Variants in VAV1 observed in about 807,000 individuals in gnomAD.
VAV1 encodes the protein proto-oncogene vav.
Under a neutral mutation model 128.1 loss-of-function variants are expected in VAV1, and 33 were observed. The observed-to-expected ratio is 0.26, with a 90% CI of 0.20 to 0.34. The LOEUF (loss-of-function observed/expected upper bound fraction) is 0.34. VAV1 is among the 10% of genes least tolerant of loss of function. VAV1 has a pLI of 1.00. For synonymous variants in VAV1, 394 were observed against 409.8 expected (o/e 0.96, Z 0.47); for missense variants, 715 against 1,093.7 (o/e 0.65, Z 4.88).
chr19:6,831,142 G>A (rs974106082), intron 14 of VAV1, among the ~76,000 whole-genome samples: 2 of 152,008 alleles, frequency 1.3e-5, no homozygotes, highest in African/African-American at 4.8e-5. Flanking sequence ...GGGTGGGAGG[G>A]GGAGCTATCT....
intron 1 of VAV1, among the ~76,000 whole-genome samples, chr19:6,799,541 TTG>T (rs1971215303): frequency 6.6e-6 from 1 of 152,072 alleles, no homozygotes; most frequent in Non-Finnish European, 1.5e-5. Context: ...CCATGGTGGT[TTG>T]CTGCATCCAT....
At chr19:6,799,847 A>AG (rs1971224953) in intron 1 of VAV1, among the ~76,000 whole-genome samples, 1 of 142,166 alleles carries the variant, frequency 7.0e-6, no homozygotes, top group Non-Finnish European at 1.5e-5. Context: ...ACTGTCTCAA[A>AG]AAAAAAAAAA....
chr19:6,783,575 C>T (rs1480846611), intron 1 of VAV1, among the ~76,000 whole-genome samples: 1 of 151,812 alleles, frequency 6.6e-6, no homozygotes, highest in Non-Finnish European at 1.5e-5. Context: ...CTCCGCCTCC[C>T]AGGTTCAAGT....
chr19:6,835,439 T>C (rs1258069177), intron 19 of VAV1, among the ~76,000 whole-genome samples: 1 of 152,138 alleles, frequency 6.6e-6, no homozygotes, highest in African/African-American at 2.4e-5. Context: ...ATTTTTTTGC[T>C]CACGTTAGCC....
chr19:6,798,741 A>ACTCAAGCGATCCTCCTACC (rs1469959744), intron 1 of VAV1, among the ~76,000 whole-genome samples: 1 of 151,450 alleles, frequency 6.6e-6, no homozygotes, highest in Non-Finnish European at 1.5e-5. Flanking sequence ...GAACTCCTGG[A>ACTCAAGCGATCCTCCTACC]CTCAAGCGAT....
chr19:6,842,162 G>A (rs528729181), intron 21 of VAV1, among the ~76,000 whole-genome samples: 36 of 152,088 alleles, frequency 2.4e-4, no homozygotes, highest in Middle Eastern at 3.4e-3. Context: ...CCTGGGAGGC[G>A]GAGGTTGCTG....
At chr19:6,821,560 A>G in intron 2 of VAV1, 62 bp from the exon 3 acceptor site, 1 of 1,599,028 alleles carries the variant, frequency 6.3e-7, no homozygotes, top group East Asian at 2.2e-5. Flanking sequence ...TTGCAGCTGG[A>G]AGCTGTGTTC....
chr19:6,821,593 C>G (rs200146364), intron 2 of VAV1, 29 bp from the exon 3 acceptor site: 2 of 1,613,934 alleles, frequency 1.2e-6, no homozygotes, highest in South Asian at 2.2e-5. Flanking sequence ...GTACAAGGGG[C>G]TCACTGAGTG....
intron 1 of VAV1, among the ~76,000 whole-genome samples, chr19:6,801,914 C>T (rs58167528): frequency 0.016 from 2,394 of 152,244 alleles, 63 homozygotes; most frequent in African/African-American, 0.054. Flanking sequence ...CACCGCAGTG[C>T]GCCTGGGTGC....
intron 1 of VAV1, among the ~76,000 whole-genome samples, chr19:6,784,908 T>TC (rs146425089): frequency 0.018 from 2,690 of 152,210 alleles, 29 homozygotes; most frequent in South Asian, 0.061. Context: ...TCACAGCCCT[T>TC]CCCTGGTTCC....
intron 1 of VAV1, among the ~76,000 whole-genome samples, chr19:6,796,032 C>T (rs1366386321): frequency 2.6e-5 from 4 of 152,116 alleles, no homozygotes; most frequent in African/African-American, 9.7e-5. Flanking sequence ...ACCGTCTCTG[C>T]CATGAGCTAC....
In VAV1 at chr19:6,820,313, G is replaced by A. The variant is rs192497617; in HGVS notation, c.205-389G>A. On this transcript the variant is annotated intron_variant, in intron 1 of 26. Coordinates refer to ENST00000602142, the MANE Select transcript of VAV1 (RefSeq NM_005428.4). This position sits in a 1 kb window ranked among gnomAD's most constrained non-coding sequence, Gnocchi z 4.4. Reference sequence around the variant, plus strand: ...TGCAGTGGTGCCATCATAGCTCACCGCAGGCTCGAACTCCTGGGCTCAGTG... The same window carrying A: ...TGCAGTGGTGCCATCATAGCTCACCACAGGCTCGAACTCCTGGGCTCAGTG... 1.0e-3 allele frequency among the ~76,000 whole-genome samples: 156 copies of A among 152,206 alleles called. No individual in the cohort carries two copies. Among genetic ancestry groups the A allele is most frequent in the African/African-American group, 3.2e-3 (134 of 41,528 alleles).
In VAV1 at chr19:6,826,518, T is replaced by C; in HGVS notation, c.828-94T>C. 4 of 887,090 alleles carry C rather than the reference T, an allele frequency of 4.5e-6. No individual in the cohort carries two copies. Among genetic ancestry groups the C allele is most frequent in the Non-Finnish European group, 5.4e-6 (3 of 554,238 alleles). The allele number at this position is 887,090 out of a possible 1,614,324, so 55.0% of individuals were successfully genotyped here. ...GAGAAACTGGGACTCAGGTTTCTTC[T>C]CCAGCGGGGAAGAGCAAGGCCAGGG... On this transcript the variant is annotated intron_variant, in intron 8 of 26. Coordinates refer to ENST00000602142, the MANE Select transcript of VAV1 (RefSeq NM_005428.4). This position sits in a 1 kb window ranked among gnomAD's most constrained non-coding sequence, Gnocchi z 4.1.
At chr19:6,799,844 CAAA>C (rs60826995) in intron 1 of VAV1, among the ~76,000 whole-genome samples, 8 of 48,954 alleles carry the variant, frequency 1.6e-4, no homozygotes, top group African/African-American at 4.4e-4. Context: ...GAGACTGTCT[CAAA>C]AAAAAAAAAA....
At chr19:6,813,176 A>C (rs572124075) in intron 1 of VAV1, among the ~76,000 whole-genome samples, 1 of 152,358 alleles carries the variant, frequency 6.6e-6, no homozygotes, top group East Asian at 1.9e-4. Context: ...ATGAGGTTGC[A>C]CACAGATGTC....
At chr19:6,837,851 A>C (rs1972259768) in intron 21 of VAV1, among the ~76,000 whole-genome samples, 1 of 152,148 alleles carries the variant, frequency 6.6e-6, no homozygotes, top group Non-Finnish European at 1.5e-5. Flanking sequence ...CTCATGCATA[A>C]CCAGAGCAAG....
intron 23 of VAV1, 64 bp from the exon 24 acceptor site, chr19:6,850,606 C>A: frequency 6.5e-7 from 1 of 1,540,410 alleles, no homozygotes. Context: ...TCCTCCATAA[C>A]TGGGGCTTGG....
chr19:6,775,760 C>T (rs2144683000), intron 1 of VAV1, among the ~76,000 whole-genome samples: 1 of 152,252 alleles, frequency 6.6e-6, no homozygotes, highest in South Asian at 2.1e-4. Context: ...GGAACAACCT[C>T]TCTGGGTTTC....
chr19:6,821,573 C>T, intron 2 of VAV1, 49 bp from the exon 3 acceptor site: 1 of 1,607,748 alleles, frequency 6.2e-7, no homozygotes, highest in Non-Finnish European at 8.5e-7. Flanking sequence ...CTGTGTTCTG[C>T]CGTGGGGGTG....
Sources: allele counts gnomAD v4.1 joint callset (sites outside exome capture counted in the v4.1 genomes callset), GRCh38; gene constraint gnomAD v4.1.1; non-coding constraint Gnocchi (gnomAD v3.1); transcripts MANE v1.5; gene names NCBI Gene and HGNC (gene_info 2026-07-23, HGNC 2026-07-21).